Variants in FABP7 observed in about 807,000 individuals in gnomAD.
FABP7 encodes fatty acid binding protein 7.
FABP7 carries 13 observed loss-of-function variants against 14.2 expected under a neutral mutation model. That is an observed-to-expected ratio of 0.91 (90% CI 0.59 to 1.45). The LOEUF is 1.45. FABP7 is among the 40% of genes most tolerant of loss of function. FABP7 has a pLI of 0.00. For synonymous variants in FABP7, 49 were observed against 51.4 expected, an observed-to-expected ratio of 0.95 and a Z score of 0.20; for missense variants, 149 against 157.6, an observed-to-expected ratio of 0.95 and a Z score of 0.29.
chr6:122,768,127 A>C, the FABP7 span, among the ~76,000 whole-genome samples: 1 of 152,118 alleles, frequency 6.6e-6, no homozygotes, highest in African/African-American at 2.4e-5. Flanking sequence ...TGTTCACTTC[A>C]TTCATGATTA....
At chr6:122,764,621 T>G in the FABP7 span, among the ~76,000 whole-genome samples, 2 of 152,176 alleles carry the variant, frequency 1.3e-5, no homozygotes, top group African/African-American at 2.4e-5. Context: ...CATCCCCTTT[T>G]TGTTAAAAAC....
intron 3 of FABP7, chr6:122,782,945 G>C (rs1160913644): frequency 5.1e-6 from 5 of 985,090 alleles, no homozygotes; most frequent in African/African-American, 1.7e-5. Flanking sequence ...TTTTTTCCCA[G>C]AACACAGAAA....
At chr6:122,782,311 A>C in intron 3 of FABP7, 1 of 640,654 alleles carries the variant, frequency 1.6e-6, no homozygotes, top group Non-Finnish European at 1.9e-6. Context: ...GCCTGAGATC[A>C]AGGCGACCCT....
At chr6:122,768,499 C>G in the FABP7 span, among the ~76,000 whole-genome samples, 1 of 152,068 alleles carries the variant, frequency 6.6e-6, no homozygotes, top group East Asian at 1.9e-4. Flanking sequence ...AGCAAAAAAG[C>G]AAGTGATGAG....
intron 3 of FABP7, 121 bp from the exon 4 acceptor site, chr6:122,783,596 A>T: frequency 7.0e-7 from 1 of 1,438,348 alleles, no homozygotes; most frequent in Non-Finnish European, 9.1e-7. Context: ...CTTATGCAGC[A>T]TTTAATGTTT....
the FABP7 span, among the ~76,000 whole-genome samples, chr6:122,763,354 G>C: frequency 3.9e-5 from 6 of 152,142 alleles, no homozygotes; most frequent in Non-Finnish European, 8.8e-5. Context: ...AGCTGAAACT[G>C]GATCCCTTCC....
chr6:122,773,345 T>C, the FABP7 span, among the ~76,000 whole-genome samples: 1 of 152,222 alleles, frequency 6.6e-6, no homozygotes, highest in Non-Finnish European at 1.5e-5. Context: ...AAAAATCCAC[T>C]GCTGCGCACT....
At chr6:122,777,875 T>TAAATAAATAC (rs1339272538), upstream of FABP7, among the ~76,000 whole-genome samples, 2 of 35,808 alleles carry the variant, frequency 5.6e-5, no homozygotes, top group East Asian at 2.6e-3. Context: ...TAAATAAATA[T>TAAATAAATAC]AATTTTTTTA....
the FABP7 span, among the ~76,000 whole-genome samples, chr6:122,771,847 T>C: frequency 5.3e-5 from 8 of 152,198 alleles, no homozygotes; most frequent in African/African-American, 1.7e-4. Flanking sequence ...TAAATTCTTA[T>C]TTTTTGACCC....
At chr6:122,768,033 A>C in the FABP7 span, among the ~76,000 whole-genome samples, 1 of 152,134 alleles carries the variant, frequency 6.6e-6, no homozygotes, top group African/African-American at 2.4e-5. Flanking sequence ...AATAAGAAAA[A>C]CACAACTAAC....
chr6:122,758,770 A>G, the FABP7 span, among the ~76,000 whole-genome samples: 3 of 152,226 alleles, frequency 2.0e-5, no homozygotes, highest in African/African-American at 7.2e-5. Flanking sequence ...TCTCCACATT[A>G]TATTTTATAT....
chr6:122,783,678 C>T (rs751436494), intron 3 of FABP7, 39 bp from the exon 4 acceptor site: 2 of 1,556,890 alleles, frequency 1.3e-6, no homozygotes, highest in South Asian at 1.3e-5. Flanking sequence ...GACTGAAGTT[C>T]CTGTATAAAA....
At chr6:122,760,731 A>G in the FABP7 span, among the ~76,000 whole-genome samples, 1 of 152,160 alleles carries the variant, frequency 6.6e-6, no homozygotes, top group Non-Finnish European at 1.5e-5. Context: ...AACAGCAAAT[A>G]TCTTAATTTG....
chr6:122,775,701 C>CAAAAAAAAA (rs371535282), upstream of FABP7, among the ~76,000 whole-genome samples: 1 of 109,508 alleles, frequency 9.1e-6, no homozygotes. Flanking sequence ...ACAACAACAA[C>CAAAAAAAAA]AACAAAAAAA....
the FABP7 span, among the ~76,000 whole-genome samples, chr6:122,753,603 T>G: frequency 6.6e-6 from 1 of 152,148 alleles, no homozygotes; most frequent in Non-Finnish European, 1.5e-5. Flanking sequence ...CTGCAGGTTG[T>G]CCAGGTTCTT....
chr6:122,783,664 C>T lies in FABP7; in HGVS notation c.349-53C>T, dbSNP rs879026406. On this transcript the variant is annotated intron_variant, in intron 3 of 3. Transcript: ENST00000368444. ...CACATATATGATGATCTTTAAAATT[C>T]GGTGACTGAAGTTCCTGTATAAAAA... 6.2e-5 allele frequency: 96 copies of T among 1,547,428 alleles called. 1 individual carries two copies. Among genetic ancestry groups the T allele is most frequent in the South Asian group, 3.6e-4 (28 of 78,484 alleles).
chr6:122,761,441 A>G, the FABP7 span, among the ~76,000 whole-genome samples: 2 of 152,160 alleles, frequency 1.3e-5, no homozygotes, highest in Admixed American at 6.5e-5. Flanking sequence ...TATATCATTT[A>G]TGTAAAGATG....
the FABP7 span, among the ~76,000 whole-genome samples, chr6:122,773,935 G>T: frequency 2.0e-5 from 3 of 151,174 alleles, no homozygotes; most frequent in Non-Finnish European, 4.4e-5. Flanking sequence ...TACCATTAGT[G>T]CCACTAGTTA....
the FABP7 span, among the ~76,000 whole-genome samples, chr6:122,764,928 C>T: frequency 6.6e-6 from 1 of 152,158 alleles, no homozygotes; most frequent in Admixed American, 6.6e-5. Flanking sequence ...TCAGACTTTA[C>T]TAATTTGCAA....
Sources: allele counts gnomAD v4.1 joint callset (sites outside exome capture counted in the v4.1 genomes callset), GRCh38; gene constraint gnomAD v4.1.1; transcripts MANE v1.5; gene names NCBI Gene and HGNC (gene_info 2026-07-23, HGNC 2026-07-21).